ZNF600: variants seen among roughly 807,000 people sequenced by gnomAD.
ZNF600 encodes the protein zinc finger protein 600, also known as zinc finger protein KR-ZNF1.
ZNF600 carries 4 observed loss-of-function variants against 7.3 expected under a neutral mutation model. The ratio of observed to expected loss-of-function variants is 0.55; its 90% CI spans 0.27 to 1.25. ZNF600 has a LOEUF of 1.25. Ranked by LOEUF, ZNF600 falls within the 50% of genes most tolerant of loss-of-function variation. The pLI, the probability that ZNF600 is intolerant of heterozygous loss-of-function variation, is 0.12. For missense variants in ZNF600, 911 were observed against 922.1 expected (o/e 0.99, Z 0.16); for synonymous variants, 290 against 308.9 (o/e 0.94, Z 0.64).
chr19:52,799,798 T>C, the ZNF600 span: 1 of 1,614,166 alleles, frequency 6.2e-7, no homozygotes, highest in Non-Finnish European at 8.5e-7. Context: ...GTATGAACTC[T>C]CTGATGCTGT....
chr19:52,823,158 C>G, the ZNF600 span, among the ~76,000 whole-genome samples: 1 of 152,038 alleles, frequency 6.6e-6, no homozygotes, highest in Non-Finnish European at 1.5e-5. Flanking sequence ...TACAGGTAAA[C>G]TTTTTTTAAA....
rs10404745 is a variant in ZNF600, at chr19:52,781,075, A to G, written c.-19-2168T>C. The stretch of plus-strand genomic sequence containing the variant: ...CGAGGCCTGCAGGGGACATGGAGTC[A>G]TGTAGGTGGGTTAAAGCTGTGAGAT... On this transcript the variant is annotated intron_variant, in intron 1 of 3. Transcript: ENST00000648973. 5,366 of 152,156 alleles carry G rather than the reference A, an allele frequency of 0.035. 183 individuals carry two copies. Among genetic ancestry groups the G allele is most frequent in the African/African-American group, 0.09 (3,716 of 41,468 alleles). 9.4% of individuals were successfully genotyped at this position (152,156 alleles called of 1,614,324 possible).
At chr19:52,786,742 G>C (rs1025531608) in exon 1 of ZNF600, 176 of 380,274 alleles carry the variant, frequency 4.6e-4, no homozygotes, top group South Asian at 1.6e-3. Context: ...CGCCGTGGTA[G>C]GACCTTCACT....
chr19:52,766,568 C>A (rs764707988), exon 4 of ZNF600: 1 of 1,614,026 alleles, frequency 6.2e-7, no homozygotes, highest in Non-Finnish European at 8.5e-7. Context: ...GTGAATTCCA[C>A]GCAAAAGCCT....
the ZNF600 span, among the ~76,000 whole-genome samples, chr19:52,811,490 C>T: frequency 5.4e-5 from 8 of 148,822 alleles, no homozygotes; most frequent in East Asian, 8.0e-4. Flanking sequence ...AAGTGAGGAG[C>T]GTCTCTGCCC....
At chr19:52,826,654 C>A in the ZNF600 span, among the ~76,000 whole-genome samples, 38 of 151,890 alleles carry the variant, frequency 2.5e-4, no homozygotes, top group African/African-American at 8.0e-4. Context: ...TGCAGTGAGC[C>A]GAGACCACAC....
In ZNF600 at chr19:52,766,735, ATG is replaced by A; in HGVS notation, c.1226_1227del (p.Thr409MetfsTer9). The A allele has an allele frequency of 6.2e-7, 1 of 1,613,574 alleles. No individual in the cohort carries two copies. Reference sequence around the variant, plus strand: ...TTATGTCTTGCCAGCTGAGAATTCCATGTGAAAGCTGTGTCACAAACCTTACA... The same window carrying A: ...TTATGTCTTGCCAGCTGAGAATTCCATGAAAGCTGTGTCACAAACCTTACA... On this transcript the variant is annotated frameshift_variant, in exon 4 of 4. Coordinates refer to ENST00000648973, the Ensembl canonical transcript of ZNF600. LOFTEE classifies it low-confidence loss of function (END_TRUNC).
chr19:52,809,365 T>C, the ZNF600 span, among the ~76,000 whole-genome samples: 78 of 152,348 alleles, frequency 5.1e-4, no homozygotes, highest in African/African-American at 1.8e-3. Context: ...AAGAGCAAGC[T>C]AGCCATGTTT....
chr19:52,801,334 C>T, the ZNF600 span: 1 of 1,614,098 alleles, frequency 6.2e-7, no homozygotes, highest in South Asian at 1.1e-5. Flanking sequence ...ACTGAGGAAG[C>T]ATTGTTGATA....
chr19:52,810,589 C>T, the ZNF600 span: 86 of 1,573,034 alleles, frequency 5.5e-5, 1 homozygote, highest in South Asian at 5.3e-4. Context: ...CCCGCTACCG[C>T]GCCCGACCAC....
At chr19:52,774,500 G>T in intron 3 of ZNF600, 75 bp downstream of exon 5, 1 of 909,592 alleles carries the variant, frequency 1.1e-6, no homozygotes, top group Non-Finnish European at 1.3e-6. Context: ...AATCACAAAA[G>T]AGAACACAAA....
At chr19:52,795,767 T>C in the ZNF600 span, among the ~76,000 whole-genome samples, 1 of 152,110 alleles carries the variant, frequency 6.6e-6, no homozygotes. Flanking sequence ...GGATTCACCA[T>C]GTTACCCAGG....
intron 2 of ZNF600, among the ~76,000 whole-genome samples, chr19:52,777,944 G>A (rs182632850): frequency 2.0e-5 from 3 of 152,278 alleles, no homozygotes; most frequent in Admixed American, 2.0e-4. Context: ...TCAGGAGTTT[G>A]AGGCTGCTGT....
the ZNF600 span, chr19:52,801,397 C>G: frequency 1.2e-6 from 2 of 1,614,062 alleles, no homozygotes; most frequent in Non-Finnish European, 1.7e-6. Flanking sequence ...ATGTGCAGTT[C>G]AGGCAGATGC....
the ZNF600 span, among the ~76,000 whole-genome samples, chr19:52,832,450 T>C: frequency 5.8e-3 from 877 of 151,348 alleles, 8 homozygotes; most frequent in African/African-American, 0.014. Context: ...GAAAAATTAG[T>C]CAGGCAAGGT....
exon 4 of ZNF600, chr19:52,765,133 A>G: frequency 2.4e-6 from 1 of 408,250 alleles, no homozygotes; most frequent in South Asian, 2.0e-5. Flanking sequence ...CTCTAGTGTC[A>G]ATTAATGCTT....
the ZNF600 span, among the ~76,000 whole-genome samples, chr19:52,817,420 T>A: frequency 6.6e-6 from 1 of 152,158 alleles, no homozygotes; most frequent in Non-Finnish European, 1.5e-5. Flanking sequence ...TATTCATCTA[T>A]GTATGAACAT....
chr19:52,806,870 G>A, the ZNF600 span, among the ~76,000 whole-genome samples: 1 of 152,076 alleles, frequency 6.6e-6, no homozygotes, highest in Non-Finnish European at 1.5e-5. Context: ...CCAGTGCACT[G>A]TAGCCTGGGC....
chr19:52,770,273 C>T (rs1245048222), intron 3 of ZNF600, among the ~76,000 whole-genome samples: 8 of 152,050 alleles, frequency 5.3e-5, no homozygotes, highest in Admixed American at 2.6e-4. Context: ...AACCCCATCT[C>T]TACTAAGAAT....
Sources: gnomAD v4.1 joint callset for allele counts (sites outside exome capture counted in the v4.1 genomes callset) on GRCh38, gnomAD v4.1.1 for gene constraint, MANE v1.5 for transcripts, NCBI Gene and HGNC (gene_info 2026-07-23, HGNC 2026-07-21) for gene names.